The following PDZD2 variants were observed in gnomAD, a reference collection of about 807,000 sequenced individuals.
The protein encoded by PDZD2 is PDZ domain containing 2, also known as PDZ domain-containing protein 2.
PDZD2 carries 90 observed loss-of-function variants against 220.7 expected under a neutral mutation model. The ratio of observed to expected loss-of-function variants is 0.41; its 90% CI spans 0.34 to 0.49. PDZD2 has a LOEUF of 0.49. Ranked by LOEUF, PDZD2 falls within the 20% of genes least tolerant of loss-of-function variation. The probability of loss-of-function intolerance (pLI) is 0.28; values close to 1 mark genes in which losing one functional copy is unlikely to be tolerated. For missense variants in PDZD2, 3,174 were observed against 3,608.5 expected (o/e 0.88, Z 3.08); for synonymous variants, 1,375 against 1,450.5 (o/e 0.95, Z 1.18).
intron 1 of PDZD2, chr5:31,748,221 G>T (rs1056966867): frequency 2.7e-5 from 4 of 150,814 alleles, no homozygotes; most frequent in Non-Finnish European, 1.5e-5. Flanking sequence ...TAATATCCTT[G>T]ACCTACCACG....
rs141514946 is a variant in PDZD2, at chr5:31,725,775, G to A, written c.-360-73114G>A. 8.4e-5 allele frequency: 81 copies of A among 960,420 alleles called. No homozygotes were observed. The South Asian group carries it at 8.8e-4, about 10-fold the overall frequency. 59.5% of individuals were successfully genotyped at this position (960,420 alleles called of 1,614,324 possible). A position where few individuals can be genotyped will look rare whatever the true frequency, so the allele number is the denominator to read the frequency against. ...TCTTTCTTGGGCTGGGACTTGGACC[G>A]TGATCTTGATTTGGATTTAGATCTT... On this transcript the variant is annotated intron_variant, in intron 1 of 24. Transcript: ENST00000438447.
chr5:31,705,945 G>C (rs1013973315), intron 1 of PDZD2, among the ~76,000 whole-genome samples: 1 of 152,176 alleles, frequency 6.6e-6, no homozygotes, highest in African/African-American at 2.4e-5. Flanking sequence ...CAGGTACTCA[G>C]GAGGCTGAGG....
intron 2 of PDZD2, among the ~76,000 whole-genome samples, chr5:31,831,122 A>G (rs190771497): frequency 6.6e-6 from 1 of 152,370 alleles, no homozygotes; most frequent in East Asian, 1.9e-4. Context: ...TCACAGTGAT[A>G]TGGACATTTG....
intron 1 of PDZD2, among the ~76,000 whole-genome samples, chr5:31,690,085 C>A (rs1053790313): frequency 6.6e-6 from 1 of 152,110 alleles, no homozygotes; most frequent in African/African-American, 2.4e-5. Context: ...GTAAAAAGAT[C>A]ATTTGGGATC....
At chr5:31,956,270 T>C (rs1212474720) in intron 2 of PDZD2, among the ~76,000 whole-genome samples, 1 of 152,100 alleles carries the variant, frequency 6.6e-6, no homozygotes, top group Non-Finnish European at 1.5e-5. Context: ...CGTTAATATT[T>C]GCTTTATATG....
At chr5:31,917,791 G>A (rs1360921344) in intron 2 of PDZD2, among the ~76,000 whole-genome samples, 3 of 152,144 alleles carry the variant, frequency 2.0e-5, no homozygotes, top group African/African-American at 7.2e-5. Flanking sequence ...CGCCCAGGCT[G>A]GAGTGCAATG....
rs150829894 is a variant in PDZD2 at position 31,889,915 on chromosome 5, G to A, written c.476+90191G>A. On this transcript the variant is annotated intron_variant, in intron 2 of 24. Coordinates refer to ENST00000438447, the MANE Select transcript of PDZD2 (RefSeq NM_178140.4). Reference sequence around the variant, plus strand: ...GCACACCTTGTAATCTCAGCTACTCGGGAGATTGAGGCAGGAGAATTGCTT... The same window carrying A: ...GCACACCTTGTAATCTCAGCTACTCAGGAGATTGAGGCAGGAGAATTGCTT... Among the ~76,000 whole-genome samples the A allele has an allele frequency of 9.5e-4, 144 of 152,052 alleles. 1 individual carries two copies. The highest frequency in any genetic ancestry group is 3.2e-3 in the African/African-American group (132 of 41,476).
chr5:31,906,532 T>C (rs1393923244), intron 2 of PDZD2, among the ~76,000 whole-genome samples: 1 of 151,992 alleles, frequency 6.6e-6, no homozygotes, highest in Non-Finnish European at 1.5e-5. Context: ...TTATCAATGA[T>C]GTAGGAAATC....
At chr5:31,986,627 T>A (rs1016517010) in intron 3 of PDZD2, among the ~76,000 whole-genome samples, 5 of 142,290 alleles carry the variant, frequency 3.5e-5, no homozygotes, top group Admixed American at 7.2e-5. Context: ...AAACAGAAAA[T>A]GCCTATTTAC....
rs565449847 is a variant in PDZD2, at chr5:31,937,883, G to A, written c.477-45272G>A. Among the ~76,000 whole-genome samples, 7 of 152,326 alleles carry A rather than the reference G, an allele frequency of 4.6e-5. No individual in the cohort carries two copies. The East Asian group carries it at 1.2e-3, about 25-fold the overall frequency. On this transcript the variant is annotated intron_variant, in intron 2 of 24. Coordinates refer to ENST00000438447, the MANE Select transcript of PDZD2 (RefSeq NM_178140.4). ...CCTTCCCAGGGTTCCTGCTGGAAGC[G>A]GTGTTCAGCAAGCTATGGCCCTTAG...
chr5:31,859,200 C>G (rs1370891657), intron 2 of PDZD2, among the ~76,000 whole-genome samples: 2 of 152,128 alleles, frequency 1.3e-5, no homozygotes, highest in Non-Finnish European at 2.9e-5. Context: ...AAAAACATAG[C>G]CTTCAAATTT....
At chr5:31,903,928 TG>T (rs1371574948) in intron 2 of PDZD2, among the ~76,000 whole-genome samples, 1 of 152,044 alleles carries the variant, frequency 6.6e-6, no homozygotes, top group Non-Finnish European at 1.5e-5. Flanking sequence ...TTCACGGTGT[TG>T]GTCAGGCTGG....
At chr5:31,799,933 C>A (rs1271142659) in intron 2 of PDZD2, among the ~76,000 whole-genome samples, 1 of 152,196 alleles carries the variant, frequency 6.6e-6, no homozygotes, top group Non-Finnish European at 1.5e-5. Context: ...TTTCATCTGC[C>A]TATCCCATAT....
chr5:31,990,528 A>G (rs1394481191), intron 3 of PDZD2, among the ~76,000 whole-genome samples: 2 of 152,230 alleles, frequency 1.3e-5, no homozygotes, highest in East Asian at 1.9e-4. Flanking sequence ...GGTCTCTCCA[A>G]CTGGACCAGG....
At chr5:31,833,244 A>C (rs1031448848) in intron 2 of PDZD2, among the ~76,000 whole-genome samples, 7 of 152,126 alleles carry the variant, frequency 4.6e-5, no homozygotes, top group African/African-American at 1.7e-4. Flanking sequence ...TGAGGTAGGC[A>C]GATTGCTTGA....
At chr5:32,011,137 A>G (rs1753284498) in intron 6 of PDZD2, among the ~76,000 whole-genome samples, 1 of 151,986 alleles carries the variant, frequency 6.6e-6, no homozygotes, top group South Asian at 2.1e-4. Flanking sequence ...TTTGACAACT[A>G]CTATTAGTGA....
chr5:32,039,226 C>T (rs1454909120), intron 7 of PDZD2, among the ~76,000 whole-genome samples: 1 of 149,952 alleles, frequency 6.7e-6, no homozygotes, highest in Admixed American at 7.1e-5. Flanking sequence ...CTGCCTCGGC[C>T]TGCCGAGTGC....
chr5:32,089,062 C>A lies in PDZD2; in HGVS notation c.5614C>A (p.Leu1872Ile). ...GTCTAAGAAGAGTCCGGCAGAAATGCTTCTGACTAATGGTCAGAAGGCAAA... is the reference window on the plus strand; with the variant it reads ...GTCTAAGAAGAGTCCGGCAGAAATGATTCTGACTAATGGTCAGAAGGCAAA... ...DLSKKSPAEM[L>I]LTNGQKAKCG... is the part of the protein sequence containing the mutation. Residue 1872 changes from leucine (L) to isoleucine (I), a missense_variant, in exon 20 of 25, where the codon CTT (leucine) becomes ATT (isoleucine). Transcript: ENST00000438447. The A allele has an allele frequency of 1.2e-6, 2 of 1,613,910 alleles. No homozygotes were observed. The highest frequency in any genetic ancestry group is 8.5e-7 in the Non-Finnish European group (1 of 1,179,952).
chr5:31,844,556 G>A (rs1343051381), intron 2 of PDZD2, among the ~76,000 whole-genome samples: 1 of 152,188 alleles, frequency 6.6e-6, no homozygotes, highest in Non-Finnish European at 1.5e-5. Flanking sequence ...TTTAGCAAAT[G>A]AAAAATTCCA....
Sources: allele counts gnomAD v4.1 joint callset (sites outside exome capture counted in the v4.1 genomes callset), GRCh38; gene constraint gnomAD v4.1.1; transcripts MANE v1.5; gene names NCBI Gene and HGNC (gene_info 2026-07-23, HGNC 2026-07-21).